The following TMEM164 variants were observed in gnomAD, a reference collection of about 807,000 sequenced individuals.
TMEM164 encodes RP13-360B22.2.
In TMEM164, 4 loss-of-function variants were observed where a neutral mutation model predicts 18.8. The ratio of observed to expected loss-of-function variants is 0.21; its 90% CI spans 0.10 to 0.49. The LOEUF is 0.49. TMEM164 is among the 20% of genes least tolerant of loss of function. TMEM164 has a pLI of 0.98. For synonymous variants in TMEM164, 86 were observed against 101.7 expected (o/e 0.85, Z 0.93); for missense variants, 108 against 239.9 (o/e 0.45, Z 3.63).
intron 2 of TMEM164, among the ~76,000 whole-genome samples, chrX:110,032,603 T>C (rs1934569563): frequency 8.9e-6 from 1 of 112,241 alleles, no homozygotes; most frequent in Non-Finnish European, 1.9e-5. Flanking sequence ...ATGCAGGGAA[T>C]TGAAGCATAT....
At chrX:110,045,993 A>G in intron 2 of TMEM164, 3 of 728,983 alleles carry the variant, frequency 4.1e-6, no homozygotes, top group Non-Finnish European at 4.9e-6. Flanking sequence ...AGCCAGCTTG[A>G]ATGAGACTCT....
intron 2 of TMEM164, among the ~76,000 whole-genome samples, chrX:110,023,208 A>G (rs1203077981): frequency 8.9e-6 from 1 of 111,890 alleles, no homozygotes; most frequent in East Asian, 2.8e-4. Flanking sequence ...AAAGATGGCT[A>G]ATTTTCCCTT....
In TMEM164 at chrX:110,173,915, G is replaced by T; in HGVS notation, c.*464G>T. 1 of 122,722 alleles carries T rather than the reference G, an allele frequency of 8.1e-6. No homozygotes were observed. The allele number at this position is 122,722 out of a possible 1,213,427, so 10.1% of individuals were successfully genotyped here. On this transcript the variant is annotated 3_prime_UTR_variant, in exon 7 of 7. Transcript: ENST00000372068. ...AGTCTCCAGCACAGCCCTTACCACG[G>T]GGGACTGAGGCCTTGTTTCTATACC...
intron 4 of TMEM164, among the ~76,000 whole-genome samples, chrX:110,127,590 C>A (rs1359361374): frequency 8.9e-6 from 1 of 112,344 alleles, no homozygotes; most frequent in Non-Finnish European, 1.9e-5. Context: ...AGAGAAGATT[C>A]TTTTTCCTTT....
intron 2 of TMEM164, among the ~76,000 whole-genome samples, chrX:110,061,501 G>A (rs891012627): frequency 8.9e-6 from 1 of 112,007 alleles, no homozygotes; most frequent in African/African-American, 3.2e-5. Flanking sequence ...TGATATTTAT[G>A]GGCTTGGATG....
At chrX:110,052,660 C>T (rs781769159) in intron 2 of TMEM164, among the ~76,000 whole-genome samples, 1 of 107,440 alleles carries the variant, frequency 9.3e-6, no homozygotes, top group South Asian at 4.1e-4. Flanking sequence ...CAGGGAAGAT[C>T]AACATTTAAT....
At chrX:110,166,364 ACC>A (rs2067159040) in intron 5 of TMEM164, among the ~76,000 whole-genome samples, 1 of 112,421 alleles carries the variant, frequency 8.9e-6, no homozygotes, top group African/African-American at 3.2e-5. Context: ...AAGAGTGGGG[ACC>A]ACCATCTTTG....
rs1313308024 is a variant in TMEM164 at position 110,145,211 on chromosome X, CT to C, written c.586+336del. Among the ~76,000 whole-genome samples the C allele has an allele frequency of 2.7e-5, 3 of 111,228 alleles. No individual in the cohort carries two copies. In the East Asian group the frequency reaches 8.4e-4, roughly 31 times the overall value. On this transcript the variant is annotated intron_variant, in intron 5 of 6. Transcript: ENST00000372068. ...ACCTTCTTGTACTTGTGCCTTCCCC[CT>C]GCCTCAATGTGCAGTGTGGGATAGA...
chrX:110,070,204 T>C (rs2065566236), intron 3 of TMEM164, among the ~76,000 whole-genome samples: 1 of 110,828 alleles, frequency 9.0e-6, no homozygotes, highest in African/African-American at 3.3e-5. Context: ...TAATCCCAGC[T>C]ACTCAGGAAG....
intron 2 of TMEM164, among the ~76,000 whole-genome samples, chrX:110,066,834 G>A (rs887915751): frequency 2.7e-4 from 30 of 111,423 alleles, no homozygotes; most frequent in East Asian, 5.6e-4. Context: ...TGGAACCTGC[G>A]GGTGGCAGTT....
At chrX:110,092,787 C>T (rs1231346640) in intron 3 of TMEM164, among the ~76,000 whole-genome samples, 5 of 111,816 alleles carry the variant, frequency 4.5e-5, no homozygotes. Flanking sequence ...TGTCTTGTGC[C>T]AGTTTTCAAA....
Position 110,100,636 on chromosome X carries a change from A to G in TMEM164, c.441-8444A>G, listed in dbSNP as rs185596356. On this transcript the variant is annotated intron_variant, in intron 3 of 6. Transcript: ENST00000372068. ...GCCCAGGCTGGAGTGCAGTGGCACA[A>G]TCTCGGCTCACTGCAAGCTCTGCCT... Among the ~76,000 whole-genome samples the G allele has an allele frequency of 4.8e-3, 539 of 111,815 alleles. 2 individuals are homozygous for G. Among genetic ancestry groups the G allele is most frequent in the South Asian group, 0.018 (48 of 2,641 alleles).
chrX:110,041,622 A>G (rs1935096174), intron 2 of TMEM164, among the ~76,000 whole-genome samples: 1 of 111,958 alleles, frequency 8.9e-6, no homozygotes, highest in Non-Finnish European at 1.9e-5. Flanking sequence ...ATATTTCTAA[A>G]TGATATACCT....
intron 5 of TMEM164, among the ~76,000 whole-genome samples, chrX:110,149,187 A>G (rs1006368766): frequency 1.8e-5 from 2 of 111,344 alleles, no homozygotes; most frequent in African/African-American, 6.5e-5. Context: ...CACAGTTTAT[A>G]TACAAAACTA....
chrX:110,031,510 T>C (rs1360127883), intron 2 of TMEM164, among the ~76,000 whole-genome samples: 2 of 110,568 alleles, frequency 1.8e-5, no homozygotes, highest in Non-Finnish European at 3.8e-5. Context: ...TTTTAAGAGA[T>C]GGGGGTCTCA....
At chrX:110,100,162 G>A (rs958746186) in intron 3 of TMEM164, among the ~76,000 whole-genome samples, 1 of 110,444 alleles carries the variant, frequency 9.1e-6, no homozygotes, top group Non-Finnish European at 1.9e-5. Context: ...CTTCCTTTTC[G>A]ATCTCTATTA....
Position 110,175,614 on chromosome X carries a change from A to C in TMEM164, c.*2163A>C. 1 of 434,032 alleles carries C rather than the reference A, an allele frequency of 2.3e-6. No individual in the cohort carries two copies. Among genetic ancestry groups the C allele is most frequent in the Non-Finnish European group, 2.9e-6 (1 of 346,622 alleles). The allele number at this position is 434,032 out of a possible 1,213,427, so 35.8% of individuals were successfully genotyped here. A position where few individuals can be genotyped will look rare whatever the true frequency, so the allele number is the denominator to read the frequency against. On this transcript the variant is annotated 3_prime_UTR_variant, in exon 7 of 7. Transcript: ENST00000372068. The stretch of plus-strand genomic sequence containing the variant: ...TGCTTGGAAGGAGAGAAGAAAGCAA[A>C]AGCCACATGCCTGGCATGGCCAAGC...
chrX:110,178,312 C>T (rs2067309791), downstream of TMEM164, among the ~76,000 whole-genome samples: 1 of 112,283 alleles, frequency 8.9e-6, no homozygotes. Context: ...TTCAGGCTTT[C>T]ACCTGGGCTG....
At chrX:110,118,577 A>G (rs1244023968) in intron 4 of TMEM164, among the ~76,000 whole-genome samples, 2 of 111,343 alleles carry the variant, frequency 1.8e-5, no homozygotes, top group Non-Finnish European at 3.8e-5. Flanking sequence ...TCTGAAGACC[A>G]TAGTTTCCAC....
Sources: gnomAD v4.1 joint callset for allele counts (sites outside exome capture counted in the v4.1 genomes callset) on GRCh38, gnomAD v4.1.1 for gene constraint, MANE v1.5 for transcripts, NCBI Gene and HGNC (gene_info 2026-07-23, HGNC 2026-07-21) for gene names.